The following FBN2 variants were observed in gnomAD, a reference collection of about 807,000 sequenced individuals.
FBN2 encodes the protein fibrillin-2.
Under a neutral mutation model 355.6 loss-of-function variants are expected in FBN2, and 105 were observed. The observed-to-expected ratio is 0.30, with a 90% confidence interval of 0.25 to 0.35. The LOEUF is 0.35. Among genes scored for constraint, FBN2 ranks in the 10% least tolerant of loss-of-function variants. The probability of loss-of-function intolerance (pLI) is 1.00; values close to 1 mark genes in which losing one functional copy is unlikely to be tolerated. For synonymous variants in FBN2, 1,350 were observed against 1,301.2 expected (o/e 1.04, Z -0.81); for missense variants, 3,280 against 3,758.7 (o/e 0.87, Z 3.33).
chr5:128,479,212 C>T (rs796266781), intron 5 of FBN2, among the ~76,000 whole-genome samples: 1 of 152,146 alleles, frequency 6.6e-6, no homozygotes, highest in South Asian at 2.1e-4. Flanking sequence ...TACGCAATTA[C>T]AGTCCCAAAG....
chr5:128,440,509 AACTC>A lies in FBN2; in HGVS notation c.952+5968_952+5971del, dbSNP rs201204331. Among the ~76,000 whole-genome samples, 342 of 152,188 alleles carry A rather than the reference AACTC, an allele frequency of 2.2e-3. 11 individuals carry two copies. In the East Asian group the frequency reaches 0.06, roughly 26 times the overall value. On this transcript the variant is annotated intron_variant, in intron 7 of 64. Transcript: ENST00000262464. ...CTTCTAAACAACCAGATCTCATGAG[AACTC>A]ACTCACTATCACGAGAACAGCAAGG... is the stretch of plus-strand genomic sequence containing the variant.
intron 7 of FBN2, among the ~76,000 whole-genome samples, chr5:128,432,505 T>A (rs1168949563): frequency 6.6e-6 from 1 of 152,176 alleles, no homozygotes; most frequent in Non-Finnish European, 1.5e-5. Context: ...TGCACTACAC[T>A]GGCAGAGCTG....
chr5:128,357,358 C>T lies in FBN2; in HGVS notation c.2592G>A (p.Gly864=). 1.9e-6 allele frequency: 3 copies of T among 1,613,826 alleles called. No homozygotes were observed. The highest frequency in any genetic ancestry group is 2.5e-6 in the Non-Finnish European group (3 of 1,179,816). The change falls in exon 20 of 65, where the codon GGG becomes GGA. Residue 864 remains glycine, a synonymous_variant. Transcript: ENST00000262464. ...AAGATCCAAGGTTGTTTCTGCAGGC[C>T]CCATTGACACATGGGTTGCTTTCAC... ...NECESNPCVN[G]ACRNNLGSFN...
intron 5 of FBN2, among the ~76,000 whole-genome samples, chr5:128,500,663 C>T (rs1223173621): frequency 1.3e-5 from 2 of 151,792 alleles, no homozygotes; most frequent in Non-Finnish European, 2.9e-5. Context: ...CCAGGATGGT[C>T]TCGATCTCCT....
chr5:128,514,092 C>G (rs752812323), intron 5 of FBN2, among the ~76,000 whole-genome samples: 10 of 152,004 alleles, frequency 6.6e-5, no homozygotes. Flanking sequence ...GTAACATTCT[C>G]TCTCTGCTTA....
intron 7 of FBN2, among the ~76,000 whole-genome samples, chr5:128,422,320 A>C (rs573172614): frequency 1.7e-4 from 26 of 152,358 alleles, no homozygotes; most frequent in African/African-American, 5.3e-4. Context: ...AAATGCAATG[A>C]GGGATTCTAG....
Position 128,318,863 on chromosome 5 carries a change from T to G in FBN2, c.4594+16A>C, listed in dbSNP as rs1382679923. The stretch of plus-strand genomic sequence containing the variant: ...TCAATGAATCAGAACACAACTTAGC[T>G]GGTAACTGACCATACCTGTACAGTT... On this transcript the variant is annotated intron_variant, in intron 35 of 64. Transcript: ENST00000262464. The G allele has an allele frequency of 2.5e-6, 4 of 1,611,128 alleles. No homozygotes were observed. Among genetic ancestry groups the G allele is most frequent in the Non-Finnish European group, 3.4e-6 (4 of 1,177,752 alleles).
intron 9 of FBN2, 49 bp downstream of exon 9, chr5:128,395,073 A>AT (rs764413690): frequency 1.2e-6 from 2 of 1,609,734 alleles, no homozygotes; most frequent in African/African-American, 2.7e-5. Context: ...ACTGCTACTA[A>AT]TTTTCCTAAC....
intron 2 of FBN2, among the ~76,000 whole-genome samples, chr5:128,532,462 G>A (rs1756734722): frequency 6.6e-6 from 1 of 152,174 alleles, no homozygotes; most frequent in East Asian, 1.9e-4. Context: ...TCATTTAGGA[G>A]CTGAGAGATT....
rs199828483 is a variant in FBN2 at position 128,357,245 on chromosome 5, T to C, written c.2674+31A>G. 1.3e-4 allele frequency: 206 copies of C among 1,613,450 alleles called. 2 individuals are homozygous for C. In the South Asian group the frequency reaches 1.4e-3, roughly 11 times the overall value. ...ATCTGTGCTTATCTTGGCAGTGAAA[T>C]TGAAGCATCAGTATTGTGTATGAAT... On this transcript the variant is annotated intron_variant, in intron 20 of 64. Coordinates refer to ENST00000262464, the MANE Select transcript of FBN2 (RefSeq NM_001999.4).
intron 7 of FBN2, among the ~76,000 whole-genome samples, chr5:128,440,301 C>T (rs1753883368): frequency 1.3e-5 from 2 of 152,084 alleles, no homozygotes; most frequent in Admixed American, 1.3e-4. Flanking sequence ...TAAAGAGCTA[C>T]CTGAGACTGG....
rs142141781 is a variant in FBN2 at position 128,431,896 on chromosome 5, C to T, written c.952+14585G>A. Among the ~76,000 whole-genome samples the T allele has an allele frequency of 5.5e-3, 841 of 152,252 alleles. 2 individuals are homozygous for T. Among genetic ancestry groups the T allele is most frequent in the Admixed American group, 7.9e-3 (120 of 15,284 alleles). ...GATGTTATTACCTTACTGAGAATGG[C>T]ACGCATTAAAACATATGGATTATTT... On this transcript the variant is annotated intron_variant, in intron 7 of 64. Transcript: ENST00000262464.
At chr5:128,386,341 G>A (rs1752365316) in intron 11 of FBN2, among the ~76,000 whole-genome samples, 1 of 152,034 alleles carries the variant, frequency 6.6e-6, no homozygotes, top group Admixed American at 6.6e-5. Context: ...TAGGTGTGTG[G>A]CTTTATTTCT....
chr5:128,416,263 G>C (rs1753195307), intron 7 of FBN2, among the ~76,000 whole-genome samples: 1 of 152,178 alleles, frequency 6.6e-6, no homozygotes, highest in African/African-American at 2.4e-5. Flanking sequence ...GACCTCAGGT[G>C]ATCTGCCCGC....
At chr5:128,329,998 T>C (rs1357809041) in intron 33 of FBN2, among the ~76,000 whole-genome samples, 2 of 152,238 alleles carry the variant, frequency 1.3e-5, no homozygotes, top group South Asian at 2.1e-4. Flanking sequence ...CTAAGTCCTT[T>C]ATTTGTATTA....
Position 128,277,933 on chromosome 5 carries a change from C to T in FBN2, c.7418G>A (p.Arg2473Gln), listed in dbSNP as rs28763925. Residue 2473 changes from arginine to glutamine, a missense_variant, in exon 58 of 65, where the codon CGA becomes CAA. By Grantham distance (43) the Arg-to-Gln change is conservative. Around this residue, in one of 6 missense-constraint regions of FBN2, gnomAD observed 2,284 missense variants for 2,749.5 expected, o/e 0.83. Coordinates refer to ENST00000262464, the MANE Select transcript of FBN2 (RefSeq NM_001999.4). ...GQCINTMGSF[R>Q]CFCKVGYTTD... ...GGTGTAGCCAACCTTGCAGAAGCAT[C>T]GGAATGAGCCCATGGTATTGATGCA... 61 of 1,614,066 alleles carry T rather than the reference C, an allele frequency of 3.8e-5. No homozygotes were observed. Among genetic ancestry groups the T allele is most frequent in the African/African-American group, 3.2e-4 (24 of 75,024 alleles).
chr5:128,434,779 A>C (rs893084597), intron 7 of FBN2, among the ~76,000 whole-genome samples: 2 of 152,106 alleles, frequency 1.3e-5, no homozygotes, highest in Non-Finnish European at 2.9e-5. Context: ...TTTATCGAGC[A>C]ATTTTTTAGT....
intron 5 of FBN2, among the ~76,000 whole-genome samples, chr5:128,505,893 T>G (rs1042680798): frequency 1.3e-5 from 2 of 152,178 alleles, no homozygotes; most frequent in Non-Finnish European, 2.9e-5. Context: ...GGCATTTGGG[T>G]TGTTTGCAGT....
chr5:128,492,120 GT>G (rs1755522615), intron 5 of FBN2, among the ~76,000 whole-genome samples: 1 of 152,050 alleles, frequency 6.6e-6, no homozygotes, highest in Non-Finnish European at 1.5e-5. Context: ...GAGGGTGCTT[GT>G]GTGTCTTCAT....
Sources: allele counts gnomAD v4.1 joint callset (sites outside exome capture counted in the v4.1 genomes callset), GRCh38; gene constraint gnomAD v4.1.1; regional missense constraint gnomAD v4.1.1; transcripts MANE v1.5; gene names NCBI Gene and HGNC (gene_info 2026-07-23, HGNC 2026-07-21).